NKAIN2: variants seen among roughly 807,000 people sequenced by gnomAD.
NKAIN2 encodes the protein sodium/potassium-transporting ATPase subunit beta-1-interacting protein 2.
NKAIN2 carries 14 observed loss-of-function variants against 32.6 expected under a neutral mutation model. The observed-to-expected ratio is 0.43, with a 90% CI of 0.28 to 0.67. The LOEUF is 0.67. Ranked by LOEUF, NKAIN2 falls within the 30% of genes least tolerant of loss-of-function variation. The pLI is 0.17. For missense variants in NKAIN2, 198 were observed against 258.3 expected, an observed-to-expected ratio of 0.77 and a Z score of 1.60; for synonymous variants, 80 against 87.2, an observed-to-expected ratio of 0.92 and a Z score of 0.46.
chr6:124,713,827 G>A (rs1199889408), intron 4 of NKAIN2, among the ~76,000 whole-genome samples: 1 of 152,134 alleles, frequency 6.6e-6, no homozygotes, highest in Non-Finnish European at 1.5e-5. Flanking sequence ...AAATATAATA[G>A]AAGTGATCAC....
intron 3 of NKAIN2, among the ~76,000 whole-genome samples, chr6:124,515,133 C>A (rs1778855074): frequency 6.6e-6 from 1 of 152,082 alleles, no homozygotes; most frequent in Admixed American, 6.6e-5. Flanking sequence ...TCTTTATTCA[C>A]ATTATATTTA....
At chr6:124,306,915 A>C (rs904249640) in intron 2 of NKAIN2, among the ~76,000 whole-genome samples, 3 of 152,178 alleles carry the variant, frequency 2.0e-5, no homozygotes, top group African/African-American at 7.2e-5. Context: ...CCTTTCATTA[A>C]GAAAACGAGC....
chr6:124,217,136 A>G (rs1562428688), intron 1 of NKAIN2, among the ~76,000 whole-genome samples: 1 of 152,212 alleles, frequency 6.6e-6, no homozygotes, highest in Admixed American at 6.5e-5. Context: ...ATCCTAAAGT[A>G]TAAACATATT....
Position 124,625,996 on chromosome 6 carries a change from GGTTT to G in NKAIN2, c.274-32186_274-32183del, listed in dbSNP as rs532048903. On this transcript the variant is annotated intron_variant, in intron 3 of 6. Coordinates refer to ENST00000368417, the MANE Select transcript of NKAIN2 (RefSeq NM_001040214.3). ...TTAGGGTACATGTGCACAATATGCA[GGTTT>G]GTTACATATGTATACATGTGCCATG... Among the ~76,000 whole-genome samples the G allele has an allele frequency of 1.5e-4, 23 of 151,392 alleles. 1 individual carries two copies. In the South Asian group the frequency reaches 4.6e-3, roughly 30 times the overall value.
chr6:123,965,811 G>A (rs1253061033), intron 1 of NKAIN2, among the ~76,000 whole-genome samples: 3 of 152,060 alleles, frequency 2.0e-5, no homozygotes, highest in African/African-American at 7.2e-5. Flanking sequence ...AACTTAATTT[G>A]TTTTGGCATC....
chr6:124,534,601 T>TTAG (rs1434818356), intron 3 of NKAIN2, among the ~76,000 whole-genome samples: 2 of 152,244 alleles, frequency 1.3e-5, no homozygotes, highest in African/African-American at 4.8e-5. Context: ...TCAGAATACT[T>TTAG]TAGTGTTTCA....
chr6:124,679,821 C>G (rs1436320498), intron 4 of NKAIN2, among the ~76,000 whole-genome samples: 8 of 152,050 alleles, frequency 5.3e-5, no homozygotes, highest in Non-Finnish European at 1.0e-4. Context: ...TAATGTGTGA[C>G]AGGAACTAGG....
In NKAIN2 at chr6:124,166,994, G is replaced by A. The variant is rs1788581715; in HGVS notation, c.55-116011G>A. Among the ~76,000 whole-genome samples, 10 of 150,708 alleles carry A rather than the reference G, an allele frequency of 6.6e-5. No homozygotes were observed. In the South Asian group the frequency reaches 1.9e-3, roughly 29 times the overall value. ...TCTTTTGGCTTAGGATTGACTTGGG[G>A]ATGCGGGCTCTTTTTTGGTTCCATA... On this transcript the variant is annotated intron_variant, in intron 1 of 6. Transcript: ENST00000368417.
chr6:124,510,225 C>T (rs189345818), intron 3 of NKAIN2, among the ~76,000 whole-genome samples: 60 of 152,030 alleles, frequency 3.9e-4, no homozygotes, highest in Admixed American at 2.0e-3. Flanking sequence ...AGTCTAAACA[C>T]TCTTATTTTT....
chr6:124,532,833 C>T (rs1251143605), intron 3 of NKAIN2, among the ~76,000 whole-genome samples: 3 of 152,184 alleles, frequency 2.0e-5, no homozygotes, highest in African/African-American at 4.8e-5. Flanking sequence ...GGGGGAAATC[C>T]TCTGATGCTG....
chr6:124,438,049 C>G (rs1775535060), intron 3 of NKAIN2: 1 of 269,730 alleles, frequency 3.7e-6, no homozygotes, highest in Middle Eastern at 5.5e-4. Context: ...GCATTTAGAC[C>G]TGGGCTTCAC....
intron 3 of NKAIN2, among the ~76,000 whole-genome samples, chr6:124,492,610 G>A (rs907158402): frequency 2.0e-5 from 3 of 151,826 alleles, no homozygotes; most frequent in Non-Finnish European, 2.9e-5. Flanking sequence ...TAATATGTTT[G>A]TTCAGATATC....
intron 1 of NKAIN2, among the ~76,000 whole-genome samples, chr6:123,895,111 T>G (rs1008488550): frequency 1.3e-5 from 2 of 151,218 alleles, no homozygotes; most frequent in African/African-American, 2.4e-5. Flanking sequence ...TTCTGCTGCC[T>G]CCTCCTTCTT....
chr6:124,143,745 AT>A (rs557752261), intron 1 of NKAIN2, among the ~76,000 whole-genome samples: 10 of 152,282 alleles, frequency 6.6e-5, no homozygotes, highest in African/African-American at 1.4e-4. Context: ...AATAAAACTG[AT>A]TTTTTTAATC....
chr6:124,757,286 T>G (rs1339993828), intron 4 of NKAIN2, among the ~76,000 whole-genome samples: 1 of 152,172 alleles, frequency 6.6e-6, no homozygotes, highest in Admixed American at 6.5e-5. Flanking sequence ...TGAACAGATA[T>G]AGATTTGTTT....
At chr6:124,133,623 C>T (rs921241382) in intron 1 of NKAIN2, among the ~76,000 whole-genome samples, 3 of 152,062 alleles carry the variant, frequency 2.0e-5, no homozygotes, top group African/African-American at 7.2e-5. Context: ...ATAAAGTATA[C>T]ACCACAAGAG....
intron 3 of NKAIN2, among the ~76,000 whole-genome samples, chr6:124,560,397 A>G (rs991291904): frequency 2.6e-5 from 4 of 152,212 alleles, no homozygotes; most frequent in African/African-American, 9.6e-5. Context: ...CTGTGAGTCA[A>G]TTAAAACTCT....
intron 1 of NKAIN2, among the ~76,000 whole-genome samples, chr6:124,213,908 G>A (rs1043605947): frequency 4.6e-5 from 7 of 152,060 alleles, no homozygotes; most frequent in Admixed American, 2.0e-4. Flanking sequence ...CATGAAACTC[G>A]GCATTTTCAA....
chr6:124,687,739 T>TACAC (rs1194925030), intron 4 of NKAIN2, among the ~76,000 whole-genome samples: 3 of 31,350 alleles, frequency 9.6e-5, no homozygotes, highest in South Asian at 3.6e-3. Flanking sequence ...ATATATATGA[T>TACAC]ATATACACAC....
Sources: allele counts gnomAD v4.1 joint callset (sites outside exome capture counted in the v4.1 genomes callset), GRCh38; gene constraint gnomAD v4.1.1; transcripts MANE v1.5; gene names NCBI Gene and HGNC (gene_info 2026-07-23, HGNC 2026-07-21).